Variants in IPPK observed in about 807,000 individuals in gnomAD.
IPPK encodes IPK1 homolog.
A neutral mutation model predicts 64.6 loss-of-function variants in IPPK; 22 were observed. That is an observed-to-expected ratio of 0.34 (90% CI 0.24 to 0.49). The LOEUF (loss-of-function observed/expected upper bound fraction) is 0.49, where lower values mean the gene tolerates loss of function less well. Ranked by LOEUF, IPPK falls within the 20% of genes least tolerant of loss-of-function variation. The pLI is 0.99. For synonymous variants in IPPK, 262 were observed against 247.2 expected (o/e 1.06, Z -0.56); for missense variants, 532 against 630.7 (o/e 0.84, Z 1.68).
At chr9:92,643,761 CA>C (rs1199045610) in intron 6 of IPPK, among the ~76,000 whole-genome samples, 4 of 152,192 alleles carry the variant, frequency 2.6e-5, no homozygotes, top group African/African-American at 9.7e-5. Context: ...TGTGTGTATG[CA>C]CGTACAGGCA....
At chr9:92,630,130 G>C (rs1851812163) in intron 11 of IPPK, among the ~76,000 whole-genome samples, 1 of 152,186 alleles carries the variant, frequency 6.6e-6, no homozygotes, top group African/African-American at 2.4e-5. Flanking sequence ...TAGCCAAAAA[G>C]AGGAAACAAC....
chr9:92,655,185 C>A (rs1426744126), intron 3 of IPPK, among the ~76,000 whole-genome samples: 2 of 152,214 alleles, frequency 1.3e-5, no homozygotes, highest in African/African-American at 4.8e-5. Flanking sequence ...CCACAACAAA[C>A]AGGAGGGAAA....
At chr9:92,647,462 A>G (rs2131447457) in intron 6 of IPPK, among the ~76,000 whole-genome samples, 1 of 152,240 alleles carries the variant, frequency 6.6e-6, no homozygotes, top group South Asian at 2.1e-4. Flanking sequence ...CCACTAGAAA[A>G]CTACACACCA....
chr9:92,647,912 T>C, intron 6 of IPPK, 147 bp downstream of exon 6: 1 of 610,772 alleles, frequency 1.6e-6, no homozygotes, highest in East Asian at 2.8e-5. Context: ...AATAAAAAAG[T>C]TGAACATGAA....
intron 1 of IPPK, among the ~76,000 whole-genome samples, chr9:92,664,952 G>T (rs1219303697): frequency 3.9e-5 from 6 of 152,196 alleles, no homozygotes; most frequent in Non-Finnish European, 7.3e-5. Context: ...GTGAGCCAAG[G>T]CCAAACCAAC....
intron 11 of IPPK, among the ~76,000 whole-genome samples, chr9:92,633,337 AT>A (rs1181787660): frequency 6.6e-6 from 1 of 151,514 alleles, no homozygotes; most frequent in Non-Finnish European, 1.5e-5. Flanking sequence ...AATGTGTAAT[AT>A]AAAATACAGG....
intron 9 of IPPK, among the ~76,000 whole-genome samples, chr9:92,636,073 G>C (rs1403139406): frequency 6.6e-6 from 1 of 152,176 alleles, no homozygotes; most frequent in Non-Finnish European, 1.5e-5. Flanking sequence ...GTGCTGTACA[G>C]GGTGCCAAGT....
At chr9:92,651,187 G>T (rs1337022236) in intron 4 of IPPK, among the ~76,000 whole-genome samples, 1 of 152,102 alleles carries the variant, frequency 6.6e-6, no homozygotes, top group Non-Finnish European at 1.5e-5. Context: ...CAGACCCAGA[G>T]AATGGTTTGC....
intron 1 of IPPK, among the ~76,000 whole-genome samples, chr9:92,668,842 G>A (rs1434991367): frequency 6.6e-6 from 1 of 152,230 alleles, no homozygotes; most frequent in African/African-American, 2.4e-5. Context: ...GGTGTTTGCA[G>A]CTTACACTAC....
At chr9:92,659,418 G>A (rs1189244662) in intron 1 of IPPK, among the ~76,000 whole-genome samples, 1 of 152,150 alleles carries the variant, frequency 6.6e-6, no homozygotes, top group Non-Finnish European at 1.5e-5. Context: ...ACATCAAAAG[G>A]TCTGAAAGGA....
intron 9 of IPPK, among the ~76,000 whole-genome samples, chr9:92,637,035 T>A (rs1423160265): frequency 1.3e-5 from 2 of 152,172 alleles, no homozygotes; most frequent in Non-Finnish European, 2.9e-5. Flanking sequence ...AGTTCATTTG[T>A]AGTGAGAAAA....
rs774854392 is a variant in IPPK at position 92,670,021 on chromosome 9, G to A, written c.-33C>T. 4.6e-6 allele frequency: 7 copies of A among 1,524,480 alleles called. No individual in the cohort carries two copies. The East Asian group carries it at 1.3e-4, about 28-fold the overall frequency. The allele number at this position is 1,524,480 out of a possible 1,614,324, so 94.4% of individuals were successfully genotyped here. On this transcript the variant is annotated 5_prime_UTR_variant, in exon 1 of 13. Coordinates refer to ENST00000287996, the MANE Select transcript of IPPK (RefSeq NM_022755.6). Reference sequence around the variant, plus strand: ...CGCAGCCCTGGCGCCTCGCGGGCTAGGACTCGGGGACGCGAGCTGGGGGCC... The same window carrying A: ...CGCAGCCCTGGCGCCTCGCGGGCTAAGACTCGGGGACGCGAGCTGGGGGCC...
chr9:92,661,278 G>T (rs1456655239), intron 1 of IPPK, among the ~76,000 whole-genome samples: 2 of 152,242 alleles, frequency 1.3e-5, no homozygotes, highest in Non-Finnish European at 2.9e-5. Flanking sequence ...CCTTGATCAA[G>T]ATCAAGGTCT....
chr9:92,637,931 C>T, intron 9 of IPPK, 70 bp downstream of exon 9: 2 of 1,425,674 alleles, frequency 1.4e-6, no homozygotes, highest in South Asian at 3.0e-5. Flanking sequence ...CGCCTGGCCA[C>T]CCATGGGGAC....
chr9:92,661,197 A>G (rs1852475760), intron 1 of IPPK, among the ~76,000 whole-genome samples: 1 of 152,222 alleles, frequency 6.6e-6, no homozygotes, highest in Non-Finnish European at 1.5e-5. Flanking sequence ...GAGACTGCAC[A>G]AGGGCAGATC....
chr9:92,639,194 G>A (rs893088438), intron 8 of IPPK, among the ~76,000 whole-genome samples: 4 of 152,034 alleles, frequency 2.6e-5, no homozygotes, highest in South Asian at 2.1e-4. Flanking sequence ...GAACACAGGC[G>A]CACACCACCA....
chr9:92,641,619 G>A (rs769668901), intron 7 of IPPK, among the ~76,000 whole-genome samples: 3 of 152,210 alleles, frequency 2.0e-5, no homozygotes, highest in Non-Finnish European at 4.4e-5. Flanking sequence ...AGCGGTGTTG[G>A]TGCCACCTTC....
intron 5 of IPPK, among the ~76,000 whole-genome samples, chr9:92,648,962 G>A: frequency 6.6e-6 from 1 of 152,228 alleles, no homozygotes. Flanking sequence ...GTGCCTCCAG[G>A]AAAATTCGTC....
At chr9:92,655,239 G>A (rs1301294880) in intron 3 of IPPK, among the ~76,000 whole-genome samples, 2 of 152,168 alleles carry the variant, frequency 1.3e-5, no homozygotes, top group Non-Finnish European at 2.9e-5. Context: ...CTTCCCTCAC[G>A]TGGCCCTGTG....
Sources: gnomAD v4.1 joint callset for allele counts (sites outside exome capture counted in the v4.1 genomes callset) on GRCh38, gnomAD v4.1.1 for gene constraint, MANE v1.5 for transcripts, NCBI Gene and HGNC (gene_info 2026-07-23, HGNC 2026-07-21) for gene names.